Variants in LINGO2 observed in about 807,000 individuals in gnomAD.
The protein encoded by LINGO2 is leucine rich repeat and Ig domain containing 2.
LINGO2 carries 14 observed loss-of-function variants against 30.6 expected under a neutral mutation model. That is an observed-to-expected ratio of 0.46 (90% CI 0.30 to 0.72). The LOEUF is 0.72. LINGO2 is among the 30% of genes least tolerant of loss of function. The probability of loss-of-function intolerance (pLI) is 0.07; values close to 1 mark genes in which losing one functional copy is unlikely to be tolerated. For missense variants in LINGO2, 729 were observed against 751.7 expected (o/e 0.97, Z 0.35); for synonymous variants, 317 against 288.5 (o/e 1.10, Z -1.00).
intron 1 of LINGO2, among the ~76,000 whole-genome samples, chr9:28,478,271 TG>T (rs1001040811): frequency 2.6e-5 from 4 of 152,168 alleles, no homozygotes; most frequent in African/African-American, 9.6e-5. Flanking sequence ...TAGCAGCATT[TG>T]TTTTTTTCCT....
intron 1 of LINGO2, among the ~76,000 whole-genome samples, chr9:28,528,515 C>T (rs945996391): frequency 4.6e-5 from 7 of 152,098 alleles, no homozygotes; most frequent in African/African-American, 1.7e-4. Flanking sequence ...TAAATTAATT[C>T]ATATCTGAAC....
chr9:28,111,339 C>T (rs1041135657), intron 4 of LINGO2, among the ~76,000 whole-genome samples: 1 of 151,644 alleles, frequency 6.6e-6, no homozygotes. Context: ...ACCACTATGA[C>T]GCATGTATAC....
the LINGO2 span, among the ~76,000 whole-genome samples, chr9:28,827,393 ATC>A: frequency 6.6e-6 from 1 of 152,234 alleles, no homozygotes; most frequent in Non-Finnish European, 1.5e-5. Context: ...TGATGGGTTC[ATC>A]TAGGTTCACA....
At chr9:28,487,668 A>G (rs1826224788) in intron 1 of LINGO2, among the ~76,000 whole-genome samples, 2 of 152,184 alleles carry the variant, frequency 1.3e-5, no homozygotes, top group East Asian at 3.9e-4. Flanking sequence ...TAACATAAAC[A>G]GCAGCATAAA....
chr9:27,958,114 G>A (rs1268833034), intron 5 of LINGO2, among the ~76,000 whole-genome samples: 2 of 152,108 alleles, frequency 1.3e-5, no homozygotes, highest in African/African-American at 4.8e-5. Context: ...CATTAAGATT[G>A]GGAAGTGTTT....
At chr9:28,601,556 T>G (rs1825476759) in intron 1 of LINGO2, among the ~76,000 whole-genome samples, 1 of 49,886 alleles carries the variant, frequency 2.0e-5, no homozygotes, top group Non-Finnish European at 3.6e-5. Context: ...TGTGTGGCAA[T>G]TGAGTGAGTG....
chr9:28,454,065 T>C (rs1185912358), intron 2 of LINGO2, among the ~76,000 whole-genome samples: 1 of 151,984 alleles, frequency 6.6e-6, no homozygotes, highest in African/African-American at 2.4e-5. Flanking sequence ...AAATCAGTCT[T>C]GAGTAATGAG....
At chr9:29,076,617 T>C in the LINGO2 span, among the ~76,000 whole-genome samples, 1 of 132,846 alleles carries the variant, frequency 7.5e-6, no homozygotes, top group Admixed American at 7.6e-5. Context: ...ATATAATAGA[T>C]ATAATAAATA....
At chr9:28,929,628 G>A in the LINGO2 span, among the ~76,000 whole-genome samples, 9 of 151,952 alleles carry the variant, frequency 5.9e-5, no homozygotes, top group Non-Finnish European at 1.3e-4. Flanking sequence ...TTTCAATATC[G>A]GCATGGACAA....
intron 2 of LINGO2, among the ~76,000 whole-genome samples, chr9:28,424,944 TC>T (rs1395333719): frequency 6.6e-6 from 1 of 152,034 alleles, no homozygotes; most frequent in Non-Finnish European, 1.5e-5. Context: ...TCAATTTTTT[TC>T]TTCTGTAAAA....
chr9:28,508,611 C>T (rs574464618), intron 1 of LINGO2, among the ~76,000 whole-genome samples: 1 of 151,960 alleles, frequency 6.6e-6, no homozygotes, highest in African/African-American at 2.4e-5. Flanking sequence ...TTGTTAACCC[C>T]CCAATTTTGT....
At chr9:28,283,499 T>G (rs536400522) in intron 4 of LINGO2, among the ~76,000 whole-genome samples, 1 of 152,190 alleles carries the variant, frequency 6.6e-6, no homozygotes, top group African/African-American at 2.4e-5. Flanking sequence ...CATAGAAATG[T>G]ATTTTATAGT....
intron 1 of LINGO2, among the ~76,000 whole-genome samples, chr9:28,490,907 A>C (rs1826369963): frequency 6.6e-6 from 1 of 152,210 alleles, no homozygotes; most frequent in African/African-American, 2.4e-5. Context: ...TGTATGTAAA[A>C]GATGTTTATT....
intron 1 of LINGO2, among the ~76,000 whole-genome samples, chr9:28,627,055 G>A (rs1826715528): frequency 6.6e-6 from 1 of 151,464 alleles, no homozygotes. Flanking sequence ...TTGAGTTTGT[G>A]TATTTTTTTA....
the LINGO2 span, among the ~76,000 whole-genome samples, chr9:28,903,145 A>G: frequency 6.6e-6 from 1 of 152,064 alleles, no homozygotes; most frequent in African/African-American, 2.4e-5. Context: ...TAAATAAGAA[A>G]AGACAGAAGA....
intron 3 of LINGO2, among the ~76,000 whole-genome samples, chr9:28,323,310 A>T (rs12552426): frequency 0.16 from 24,443 of 152,126 alleles, 2,633 homozygotes; most frequent in African/African-American, 0.3. Flanking sequence ...AAAGTAATAT[A>T]AGAAACAACC....
the LINGO2 span, among the ~76,000 whole-genome samples, chr9:28,766,173 G>A: frequency 6.6e-6 from 1 of 151,962 alleles, no homozygotes; most frequent in Admixed American, 6.6e-5. Context: ...CTATTTGGGA[G>A]AAAATATTTG....
intron 4 of LINGO2, among the ~76,000 whole-genome samples, chr9:28,022,753 A>G (rs1823193254): frequency 6.6e-6 from 1 of 150,614 alleles, no homozygotes; most frequent in Admixed American, 6.6e-5. Flanking sequence ...ATTTTGGGAA[A>G]TTTTCGTCAT....
At chr9:28,966,272 T>C in the LINGO2 span, among the ~76,000 whole-genome samples, 5 of 152,142 alleles carry the variant, frequency 3.3e-5, no homozygotes, top group Middle Eastern at 3.2e-3. Flanking sequence ...AGGGTAAGAA[T>C]CGAGGCCTCT....
Sources: gnomAD v4.1 joint callset for allele counts (sites outside exome capture counted in the v4.1 genomes callset) on GRCh38, gnomAD v4.1.1 for gene constraint, MANE v1.5 for transcripts, NCBI Gene and HGNC (gene_info 2026-07-23, HGNC 2026-07-21) for gene names.